Variants in CNTNAP5 observed in about 807,000 individuals in gnomAD.
CNTNAP5 encodes the protein contactin-associated protein-like 5.
In CNTNAP5, 72 loss-of-function variants were observed where a neutral mutation model predicts 150.2. That is an observed-to-expected ratio of 0.48 (90% CI 0.40 to 0.58). The LOEUF (loss-of-function observed/expected upper bound fraction) is 0.58, where lower values mean the gene tolerates loss of function less well. Among genes scored for constraint, CNTNAP5 ranks in the 20% least tolerant of loss-of-function variants. CNTNAP5 has a pLI of 0.00. For missense variants in CNTNAP5, 1,636 were observed against 1,626.2 expected, an observed-to-expected ratio of 1.01 and a Z score of -0.10; for synonymous variants, 672 against 619.8, an observed-to-expected ratio of 1.08 and a Z score of -1.25.
At chr2:124,430,837 T>C (rs539466553) in intron 4 of CNTNAP5, among the ~76,000 whole-genome samples, 26 of 152,330 alleles carry the variant, frequency 1.7e-4, no homozygotes, top group African/African-American at 5.8e-4. Flanking sequence ...CACCAAGTTC[T>C]TGATAGCATC....
intron 2 of CNTNAP5, among the ~76,000 whole-genome samples, chr2:124,227,825 A>G (rs573821322): frequency 6.6e-6 from 1 of 152,100 alleles, no homozygotes; most frequent in African/African-American, 2.4e-5. Flanking sequence ...GGTAGATACA[A>G]AATTAGTTAA....
intron 1 of CNTNAP5, among the ~76,000 whole-genome samples, chr2:124,207,336 G>A (rs1685888312): frequency 6.6e-6 from 1 of 152,222 alleles, no homozygotes; most frequent in South Asian, 2.1e-4. Flanking sequence ...ATGCTTGGCA[G>A]GAGATTTCCA....
chr2:124,148,156 G>A (rs1684299982), intron 1 of CNTNAP5, among the ~76,000 whole-genome samples: 1 of 151,628 alleles, frequency 6.6e-6, no homozygotes. Context: ...AATTACTTTG[G>A]TGAACATAAT....
Position 124,734,636 on chromosome 2 carries a change from A to G in CNTNAP5, c.2078-12593A>G, listed in dbSNP as rs1021073834. ...AAGCAACTGCCTGTTTTTAATTCTA[A>G]TAAGAATAACCAGAAATTTGGTGAC... On this transcript the variant is annotated intron_variant, in intron 13 of 23. Transcript: ENST00000682447. 2.0e-5 allele frequency among the ~76,000 whole-genome samples: 3 copies of G among 152,094 alleles called. No individual in the cohort carries two copies. In the East Asian group the frequency reaches 5.8e-4, roughly 29 times the overall value.
intron 1 of CNTNAP5, among the ~76,000 whole-genome samples, chr2:124,052,703 C>T (rs1249324925): frequency 3.3e-5 from 5 of 152,190 alleles, no homozygotes; most frequent in African/African-American, 4.8e-5. Flanking sequence ...AAATGGATAC[C>T]TGTGCGCGTC....
At chr2:124,435,607 C>A (rs907266675) in intron 5 of CNTNAP5, among the ~76,000 whole-genome samples, 8 of 152,176 alleles carry the variant, frequency 5.3e-5, no homozygotes, top group African/African-American at 1.7e-4. Context: ...AAATAGTTAT[C>A]TTTTTGTCTT....
intron 14 of CNTNAP5, among the ~76,000 whole-genome samples, chr2:124,759,392 T>C (rs1276239531): frequency 1.4e-5 from 2 of 143,128 alleles, no homozygotes; most frequent in Non-Finnish European, 3.0e-5. Flanking sequence ...ATATATAAAT[T>C]ATATATATAT....
intron 8 of CNTNAP5, among the ~76,000 whole-genome samples, chr2:124,522,325 T>C (rs1220358100): frequency 1.3e-5 from 2 of 152,200 alleles, no homozygotes; most frequent in Non-Finnish European, 2.9e-5. Context: ...AATCCATCAC[T>C]TACTTTGCAT....
intron 19 of CNTNAP5, among the ~76,000 whole-genome samples, chr2:124,847,640 GC>G (rs1426319860): frequency 6.6e-6 from 1 of 152,158 alleles, no homozygotes; most frequent in African/African-American, 2.4e-5. Context: ...GGTTCTCTTA[GC>G]TTTCCTGGTA....
chr2:124,405,340 G>C (rs978023746), intron 3 of CNTNAP5, among the ~76,000 whole-genome samples: 1 of 152,166 alleles, frequency 6.6e-6, no homozygotes, highest in Non-Finnish European at 1.5e-5. Flanking sequence ...GTGGGACAAA[G>C]TGAACTAATA....
intron 14 of CNTNAP5, among the ~76,000 whole-genome samples, chr2:124,762,339 G>A (rs556564309): frequency 1.5e-4 from 23 of 152,054 alleles, no homozygotes; most frequent in African/African-American, 2.2e-4. Context: ...GTTTTTCTCC[G>A]TTTTCATGAG....
At chr2:124,572,575 T>TA (rs1454878097) in intron 11 of CNTNAP5, among the ~76,000 whole-genome samples, 3 of 152,106 alleles carry the variant, frequency 2.0e-5, no homozygotes, top group African/African-American at 7.2e-5. Context: ...GGGTGGATAT[T>TA]AAAATAAGAA....
chr2:124,450,556 CAA>C (rs11299541), intron 6 of CNTNAP5, among the ~76,000 whole-genome samples: 1,344 of 64,984 alleles, frequency 0.021, 3 homozygotes, highest in South Asian at 0.049. Context: ...AATCTGCTGT[CAA>C]AAAAAAAAAA....
intron 3 of CNTNAP5, among the ~76,000 whole-genome samples, chr2:124,299,976 G>A (rs949248274): frequency 6.6e-6 from 1 of 152,144 alleles, no homozygotes; most frequent in Admixed American, 6.5e-5. Context: ...CTAGTCTGAT[G>A]GCTCCAATCT....
chr2:124,165,542 T>A (rs1037417225), intron 1 of CNTNAP5, among the ~76,000 whole-genome samples: 1 of 152,312 alleles, frequency 6.6e-6, no homozygotes, highest in Middle Eastern at 3.4e-3. Context: ...ACGCACTTTA[T>A]GTTAAAAACA....
At chr2:124,506,055 A>G (rs761559932) in intron 8 of CNTNAP5, among the ~76,000 whole-genome samples, 1 of 152,210 alleles carries the variant, frequency 6.6e-6, no homozygotes, top group Non-Finnish European at 1.5e-5. Context: ...TAAAAGGAAG[A>G]AGCCAAGGCA....
At chr2:124,656,861 G>A (rs1308611410) in intron 13 of CNTNAP5, among the ~76,000 whole-genome samples, 3 of 152,134 alleles carry the variant, frequency 2.0e-5, no homozygotes, top group Admixed American at 6.5e-5. Context: ...ATTAAGATAC[G>A]GTACAGTGGC....
chr2:124,789,149 C>T (rs1190162491), intron 17 of CNTNAP5, among the ~76,000 whole-genome samples: 1 of 152,212 alleles, frequency 6.6e-6, no homozygotes, highest in Non-Finnish European at 1.5e-5. Flanking sequence ...CTGAAGTTTT[C>T]TAAGTTGGTG....
intron 1 of CNTNAP5, among the ~76,000 whole-genome samples, chr2:124,122,834 G>A (rs1683598626): frequency 6.6e-6 from 1 of 151,266 alleles, no homozygotes; most frequent in African/African-American, 2.4e-5. Flanking sequence ...ATTGCTTTTG[G>A]AACTGAGGGC....
Sources: allele counts gnomAD v4.1 joint callset (sites outside exome capture counted in the v4.1 genomes callset), GRCh38; gene constraint gnomAD v4.1.1; transcripts MANE v1.5; gene names NCBI Gene and HGNC (gene_info 2026-07-23, HGNC 2026-07-21).